Variants in TFEC observed in about 807,000 individuals in gnomAD.
The protein encoded by TFEC is transcription factor EC, also known as class E basic helix-loop-helix protein 34.
In TFEC, 31 loss-of-function variants were observed where a neutral mutation model predicts 41.6. The ratio of observed to expected loss-of-function variants is 0.74; its 90% CI spans 0.56 to 1.01. The LOEUF is 1.01. TFEC is among the 50% of genes least tolerant of loss of function. The pLI is 0.00. For missense variants in TFEC, 402 were observed against 404.1 expected, an observed-to-expected ratio of 0.99 and a Z score of 0.04; for synonymous variants, 143 against 140.6, an observed-to-expected ratio of 1.02 and a Z score of -0.12.
chr7:116,116,914 A>G (rs1231914081), intron 1 of TFEC, among the ~76,000 whole-genome samples: 1 of 151,916 alleles, frequency 6.6e-6, no homozygotes, highest in East Asian at 1.9e-4. Context: ...TATTCTGATG[A>G]AAGAGACTTT....
Position 116,049,785 on chromosome 7 carries a change from G to A in TFEC, c.198+60923C>T, listed in dbSNP as rs188055090. On this transcript the variant is annotated intron_variant, in intron 3 of 8. Coordinates refer to the TFEC transcript ENST00000484212. Reference sequence around the variant, plus strand: ...AGAAATTATAACAAACTGTCTCTCAGACCACAGTGCAATCAAACTAGAACT... The same window carrying A: ...AGAAATTATAACAAACTGTCTCTCAAACCACAGTGCAATCAAACTAGAACT... Among the ~76,000 whole-genome samples, 721 of 152,288 alleles carry A rather than the reference G, an allele frequency of 4.7e-3. 3 individuals carry two copies. Among genetic ancestry groups the A allele is most frequent in the Non-Finnish European group, 7.9e-3 (536 of 68,020 alleles).
intron 3 of TFEC, among the ~76,000 whole-genome samples, chr7:116,096,080 C>T (rs932648530): frequency 6.6e-6 from 1 of 152,058 alleles, no homozygotes; most frequent in African/African-American, 2.4e-5. Flanking sequence ...TTTGTATTTC[C>T]CTTTATTGAC....
intron 1 of TFEC, among the ~76,000 whole-genome samples, chr7:116,024,028 T>C (rs1584714555): frequency 6.6e-6 from 1 of 152,122 alleles, no homozygotes; most frequent in Non-Finnish European, 1.5e-5. Context: ...CTGACCAAAC[T>C]GAAGCAAATC....
At chr7:116,121,542 T>C (rs1190280562) in intron 1 of TFEC, 6 of 152,136 alleles carry the variant, frequency 3.9e-5, no homozygotes, top group Non-Finnish European at 7.4e-5. Flanking sequence ...CACTTTAAAA[T>C]AGTTAAGATG....
intron 3 of TFEC, among the ~76,000 whole-genome samples, chr7:116,060,410 T>A (rs766902648): frequency 4.6e-5 from 7 of 152,088 alleles, no homozygotes; most frequent in African/African-American, 1.7e-4. Context: ...GACCCACGTA[T>A]GCAAATGTTC....
At chr7:116,049,799 C>G (rs1217243939) in intron 3 of TFEC, among the ~76,000 whole-genome samples, 1 of 152,186 alleles carries the variant, frequency 6.6e-6, no homozygotes, top group East Asian at 1.9e-4. Flanking sequence ...ACAGTGCAAT[C>G]AAACTAGAAC....
intron 3 of TFEC, among the ~76,000 whole-genome samples, chr7:116,080,559 G>T (rs1406217420): frequency 1.3e-5 from 2 of 151,988 alleles, no homozygotes; most frequent in South Asian, 2.1e-4. Flanking sequence ...CTCAAAACAA[G>T]ATATACAAAT....
chr7:116,102,798 T>G (rs1797633563), intron 3 of TFEC, among the ~76,000 whole-genome samples: 1 of 152,200 alleles, frequency 6.6e-6, no homozygotes, highest in South Asian at 2.1e-4. Context: ...AAGTGGCATC[T>G]ATGTAGAAGA....
intron 3 of TFEC, among the ~76,000 whole-genome samples, chr7:116,057,863 A>T (rs1796465672): frequency 6.6e-6 from 1 of 151,826 alleles, no homozygotes; most frequent in African/African-American, 2.4e-5. Context: ...AACCATTGAG[A>T]TAGCTAAACA....
chr7:116,095,165 C>T (rs1584508687), intron 3 of TFEC, among the ~76,000 whole-genome samples: 1 of 152,240 alleles, frequency 6.6e-6, no homozygotes, highest in East Asian at 1.9e-4. Context: ...ATGGTTTGAC[C>T]TTTTCAGAAT....
chr7:115,945,134 T>G (rs867005514), intron 6 of TFEC, among the ~76,000 whole-genome samples: 2 of 105,970 alleles, frequency 1.9e-5, no homozygotes, highest in Non-Finnish European at 4.7e-5. Context: ...TAAAATCTTG[T>G]ATGGTCTTTT....
chr7:116,098,171 T>C (rs543198982), intron 3 of TFEC, among the ~76,000 whole-genome samples: 2 of 152,138 alleles, frequency 1.3e-5, no homozygotes, highest in Non-Finnish European at 2.9e-5. Context: ...TTTTTTTTCT[T>C]TTTTTTGAGA....
At chr7:116,070,507 T>C (rs372576029) in intron 3 of TFEC, among the ~76,000 whole-genome samples, 14 of 151,402 alleles carry the variant, frequency 9.2e-5, no homozygotes, top group African/African-American at 3.4e-4. Flanking sequence ...TACCAAACAA[T>C]CTAATATTAG....
intron 5 of TFEC, among the ~76,000 whole-genome samples, chr7:115,953,590 G>A (rs181306710): frequency 1.4e-3 from 212 of 152,128 alleles, no homozygotes; most frequent in African/African-American, 4.8e-3. Flanking sequence ...TAAGAGAAAA[G>A]TCCAAAAGTT....
Position 116,151,645 on chromosome 7 carries a change from T to C in TFEC, c.-69+8145A>G, listed in dbSNP as rs539341837. Reference sequence around the variant, plus strand: ...GGTTTTTTTCCAAAATGAGAACTTGTTACAATGGAATTTTTTTTTTCATTC... The same window carrying C: ...GGTTTTTTTCCAAAATGAGAACTTGCTACAATGGAATTTTTTTTTTCATTC... On this transcript the variant is annotated intron_variant, in intron 1 of 8. Coordinates refer to the TFEC transcript ENST00000484212. 2.0e-5 allele frequency among the ~76,000 whole-genome samples: 3 copies of C among 152,204 alleles called. No homozygotes were observed. In the East Asian group the frequency reaches 5.8e-4, roughly 29 times the overall value.
chr7:116,086,925 G>C (rs1425239424), intron 3 of TFEC, among the ~76,000 whole-genome samples: 1 of 151,896 alleles, frequency 6.6e-6, no homozygotes, highest in Non-Finnish European at 1.5e-5. Flanking sequence ...GGATGTGATA[G>C]TTCTAAATCC....
intron 3 of TFEC, among the ~76,000 whole-genome samples, chr7:115,961,629 T>A (rs1193735986): frequency 6.6e-6 from 1 of 151,388 alleles, no homozygotes; most frequent in Admixed American, 6.6e-5. Flanking sequence ...TGAAAAAAAA[T>A]TAACAAGATT....
intron 1 of TFEC, among the ~76,000 whole-genome samples, chr7:116,147,328 A>C (rs1798663840): frequency 6.6e-6 from 1 of 152,244 alleles, no homozygotes. Flanking sequence ...AAAGACAAAG[A>C]GTTCTTAAAA....
chr7:116,050,464 A>T (rs952877463), intron 3 of TFEC, among the ~76,000 whole-genome samples: 9 of 152,130 alleles, frequency 5.9e-5, no homozygotes, highest in African/African-American at 2.2e-4. Flanking sequence ...AAATCAAACA[A>T]CCCCATCAAA....
Sources: gnomAD v4.1 joint callset for allele counts (sites outside exome capture counted in the v4.1 genomes callset) on GRCh38, gnomAD v4.1.1 for gene constraint, MANE v1.5 for transcripts, NCBI Gene and HGNC (gene_info 2026-07-23, HGNC 2026-07-21) for gene names.